The following ATP8A2 variants were observed in gnomAD, a reference collection of about 807,000 sequenced individuals.
The protein encoded by ATP8A2 is ATPase phospholipid transporting 8A2.
Under a neutral mutation model 165.6 loss-of-function variants are expected in ATP8A2, and 100 were observed. That is an observed-to-expected ratio of 0.60 (90% CI 0.51 to 0.71). The LOEUF (loss-of-function observed/expected upper bound fraction) is 0.71, where lower values mean the gene tolerates loss of function less well. Among genes scored for constraint, ATP8A2 ranks in the 30% least tolerant of loss-of-function variants. The pLI, the probability that ATP8A2 is intolerant of heterozygous loss-of-function variation, is 0.00. For missense variants in ATP8A2, 1,227 were observed against 1,479.5 expected, an observed-to-expected ratio of 0.83 and a Z score of 2.80; for synonymous variants, 543 against 548.8, an observed-to-expected ratio of 0.99 and a Z score of 0.15.
intron 30 of ATP8A2, among the ~76,000 whole-genome samples, chr13:25,854,737 A>G (rs1371296610): frequency 6.6e-6 from 1 of 152,226 alleles, no homozygotes; most frequent in Non-Finnish European, 1.5e-5. Context: ...GTACTGCCCA[A>G]TACAGTCGCC....
At chr13:25,802,441 A>G (rs181140655) in intron 27 of ATP8A2, among the ~76,000 whole-genome samples, 164 of 152,336 alleles carry the variant, frequency 1.1e-3, no homozygotes, top group African/African-American at 3.8e-3. Flanking sequence ...TGAGATACGA[A>G]TGGCATATTT....
At chr13:25,548,087 G>A (rs552323354) in intron 10 of ATP8A2, among the ~76,000 whole-genome samples, 12 of 152,160 alleles carry the variant, frequency 7.9e-5, no homozygotes, top group Non-Finnish European at 1.5e-4. Context: ...TTAGCTGGGC[G>A]TGGTGGTATG....
intron 33 of ATP8A2, among the ~76,000 whole-genome samples, chr13:25,931,414 A>G (rs1954766298): frequency 6.6e-6 from 1 of 152,208 alleles, no homozygotes; most frequent in South Asian, 2.1e-4. Flanking sequence ...GGGATATTCA[A>G]CCTGTATATT....
At chr13:25,681,964 C>T (rs186524825) in intron 24 of ATP8A2, among the ~76,000 whole-genome samples, 37 of 152,250 alleles carry the variant, frequency 2.4e-4, no homozygotes, top group East Asian at 3.9e-4. Context: ...CGTCGAGTGA[C>T]GGCGTTGGAC....
In ATP8A2 at chr13:26,022,550, T is replaced by C. The variant is rs953375260; in HGVS notation, c.*2565T>C. 7.2e-5 allele frequency: 11 copies of C among 152,216 alleles called. No individual in the cohort carries two copies. Among genetic ancestry groups the C allele is most frequent in the African/African-American group, 2.7e-4 (11 of 41,456 alleles). The allele number at this position is 152,216 out of a possible 1,614,324, so 9.4% of individuals were successfully genotyped here. A position where few individuals can be genotyped will look rare whatever the true frequency, so the allele number is the denominator to read the frequency against. ...GAAGAAAACATTAGAAGAGATGCCT[T>C]TCTATCCTCTCATGTGGTTGAGCAT... On this transcript the variant is annotated 3_prime_UTR_variant, in exon 37 of 37. Transcript: ENST00000381655.
rs1054299365 is a variant in ATP8A2, at chr13:25,956,127, A to G, written c.3184-5448A>G. Reference sequence around the variant, plus strand: ...CTAGGTATTGATGGAACGTATCTCAATAAGAGCTATTTATGACAGTCCCAC... The same window carrying G: ...CTAGGTATTGATGGAACGTATCTCAGTAAGAGCTATTTATGACAGTCCCAC... On this transcript the variant is annotated intron_variant, in intron 33 of 36. Transcript: ENST00000381655. 2.6e-5 allele frequency among the ~76,000 whole-genome samples: 4 copies of G among 152,308 alleles called. No individual in the cohort carries two copies. In the East Asian group the frequency reaches 5.8e-4, roughly 22 times the overall value.
chr13:26,017,516 C>T (rs572466287), intron 36 of ATP8A2, among the ~76,000 whole-genome samples: 25 of 152,330 alleles, frequency 1.6e-4, no homozygotes, highest in African/African-American at 6.0e-4. Context: ...GTGTGCCACA[C>T]GGTGCCAGAG....
intron 33 of ATP8A2, among the ~76,000 whole-genome samples, chr13:25,891,343 G>C (rs1953353651): frequency 6.8e-6 from 1 of 147,576 alleles, no homozygotes; most frequent in South Asian, 2.1e-4. Context: ...TTTTGTTTGA[G>C]ACACAGTCTC....
intron 27 of ATP8A2, among the ~76,000 whole-genome samples, chr13:25,824,998 T>G (rs1951277845): frequency 6.6e-6 from 1 of 151,992 alleles, no homozygotes; most frequent in South Asian, 2.1e-4. Context: ...TTTGAAAACT[T>G]TTTTTACTTG....
intron 26 of ATP8A2, among the ~76,000 whole-genome samples, chr13:25,772,367 T>C (rs1265294006): frequency 6.6e-6 from 1 of 152,212 alleles, no homozygotes; most frequent in African/African-American, 2.4e-5. Flanking sequence ...TCTGTGCCCA[T>C]TGAAGTTTAA....
At chr13:25,860,117 C>G in intron 30 of ATP8A2, 78 bp from the exon 31 acceptor site, 1 of 857,918 alleles carries the variant, frequency 1.2e-6, no homozygotes, top group Non-Finnish European at 1.9e-6. Flanking sequence ...TCCTAAAGTT[C>G]CCTGTTTAAT....
chr13:25,791,389 A>G (rs1489085034), intron 27 of ATP8A2, among the ~76,000 whole-genome samples: 1 of 152,130 alleles, frequency 6.6e-6, no homozygotes, highest in African/African-American at 2.4e-5. Context: ...TGGAGGGTGG[A>G]GGATGGGAGT....
intron 2 of ATP8A2, among the ~76,000 whole-genome samples, chr13:25,521,455 C>G (rs568997320): frequency 6.6e-6 from 1 of 152,096 alleles, no homozygotes; most frequent in African/African-American, 2.4e-5. Flanking sequence ...TTTGTCTAGA[C>G]CAATGTCCTG....
intron 4 of ATP8A2, among the ~76,000 whole-genome samples, chr13:25,531,966 G>A (rs542186146): frequency 7.0e-4 from 107 of 152,284 alleles, no homozygotes; most frequent in Admixed American, 2.5e-3. Flanking sequence ...ATAAAATGAA[G>A]TTGGCTGTTT....
chr13:25,513,549 C>A (rs548336367), intron 2 of ATP8A2, among the ~76,000 whole-genome samples: 1 of 151,964 alleles, frequency 6.6e-6, no homozygotes, highest in African/African-American at 2.4e-5. Context: ...ACTTCCCAGA[C>A]GGGGTGGCGG....
At chr13:25,580,895 G>C (rs1163812740) in intron 22 of ATP8A2, among the ~76,000 whole-genome samples, 1 of 151,656 alleles carries the variant, frequency 6.6e-6, no homozygotes, top group Non-Finnish European at 1.5e-5. Flanking sequence ...TCCTTTGTTG[G>C]TTTAAAAAAA....
intron 35 of ATP8A2, among the ~76,000 whole-genome samples, chr13:26,008,918 T>C (rs1255734814): frequency 6.6e-6 from 1 of 152,114 alleles, no homozygotes; most frequent in African/African-American, 2.4e-5. Flanking sequence ...AAAGTATTCC[T>C]CTAAACCAAA....
chr13:25,985,878 G>GT (rs1184932583), intron 35 of ATP8A2, among the ~76,000 whole-genome samples: 1 of 152,230 alleles, frequency 6.6e-6, no homozygotes, highest in Non-Finnish European at 1.5e-5. Context: ...TGGGGTGGGG[G>GT]TATCACTGTG....
At chr13:25,558,470 G>A (rs1388780236) in intron 13 of ATP8A2, among the ~76,000 whole-genome samples, 1 of 152,144 alleles carries the variant, frequency 6.6e-6, no homozygotes, top group Non-Finnish European at 1.5e-5. Context: ...AAAAATTACT[G>A]AGTAAGCAAT....
Sources: gnomAD v4.1 joint callset for allele counts (sites outside exome capture counted in the v4.1 genomes callset) on GRCh38, gnomAD v4.1.1 for gene constraint, MANE v1.5 for transcripts, NCBI Gene and HGNC (gene_info 2026-07-23, HGNC 2026-07-21) for gene names.